The following TSNARE1 variants were observed in gnomAD, a reference collection of about 807,000 sequenced individuals.
TSNARE1 encodes t-SNARE domain containing 1, also known as t-SNARE domain-containing protein 1.
TSNARE1 carries 49 observed loss-of-function variants against 62.0 expected under a neutral mutation model. That is an observed-to-expected ratio of 0.79 (90% CI 0.63 to 1.00). The LOEUF is 1.00. Ranked by LOEUF, TSNARE1 falls within the 50% of genes least tolerant of loss-of-function variation. TSNARE1 has a pLI of 0.00. For synonymous variants in TSNARE1, 328 were observed against 294.4 expected, an observed-to-expected ratio of 1.11 and a Z score of -1.17; for missense variants, 755 against 700.1, an observed-to-expected ratio of 1.08 and a Z score of -0.88.
chr8:142,392,185 G>A lies in TSNARE1; in HGVS notation c.-40+10919C>T, dbSNP rs569116077. 7.2e-5 allele frequency among the ~76,000 whole-genome samples: 11 copies of A among 152,106 alleles called. No homozygotes were observed. The East Asian group carries it at 7.8e-4, about 11-fold the overall frequency. Reference sequence around the variant, plus strand: ...ATTACAGGGGCGCACCACCATGCCCGGCTAATTTTTGCATTTGTAGTACAC... The same window carrying A: ...ATTACAGGGGCGCACCACCATGCCCAGCTAATTTTTGCATTTGTAGTACAC... On this transcript the variant is annotated intron_variant, in intron 1 of 13. Coordinates refer to ENST00000524325, the MANE Select transcript of TSNARE1 (RefSeq NM_145003.5).
At chr8:142,304,815 T>C (rs4976996) in intron 9 of TSNARE1, among the ~76,000 whole-genome samples, 151,573 of 152,302 alleles carry the variant, frequency 1, 75,452 homozygotes, top group Non-Finnish European at 1. Flanking sequence ...AGCTACGGGG[T>C]AGAGACGTTC....
chr8:142,286,428 T>C (rs910383340), intron 10 of TSNARE1, among the ~76,000 whole-genome samples: 4 of 152,192 alleles, frequency 2.6e-5, no homozygotes, highest in East Asian at 3.9e-4. Context: ...GTAGTATCAA[T>C]TGCAATTCAA....
At chr8:142,248,387 G>T (rs532549825) in intron 12 of TSNARE1, among the ~76,000 whole-genome samples, 2 of 152,340 alleles carry the variant, frequency 1.3e-5, no homozygotes, top group Non-Finnish European at 2.9e-5. Flanking sequence ...GAGTTAAAGG[G>T]ATTGAGTAAC....
intron 12 of TSNARE1, among the ~76,000 whole-genome samples, chr8:142,239,695 TG>T (rs1291805460): frequency 6.6e-6 from 1 of 151,980 alleles, no homozygotes; most frequent in African/African-American, 2.4e-5. Context: ...AAAACCCGAG[TG>T]GGGCCTGTGA....
At chr8:142,280,229 G>A (rs1228953701) in intron 11 of TSNARE1, 1 of 985,270 alleles carries the variant, frequency 1.0e-6, no homozygotes, top group East Asian at 1.1e-4. Flanking sequence ...CCCGGCCGCA[G>A]GGGTGTGGAG....
At chr8:142,306,856 G>A (rs1397112348) in intron 9 of TSNARE1, among the ~76,000 whole-genome samples, 1 of 152,178 alleles carries the variant, frequency 6.6e-6, no homozygotes, top group Non-Finnish European at 1.5e-5. Context: ...GTGTTTCAAT[G>A]CCAGGTGCAA....
chr8:142,338,386 G>A (rs913197458), intron 4 of TSNARE1, among the ~76,000 whole-genome samples: 4 of 152,206 alleles, frequency 2.6e-5, no homozygotes, highest in African/African-American at 9.7e-5. Context: ...GGGTCCCCAG[G>A]GCAGGAGCTT....
intron 9 of TSNARE1, among the ~76,000 whole-genome samples, chr8:142,301,569 C>A (rs955842785): frequency 2.0e-5 from 3 of 152,290 alleles, no homozygotes; most frequent in South Asian, 2.1e-4. Context: ...CCCATGCCAG[C>A]GGGCCTTCCT....
chr8:142,285,846 A>G (rs1276133276), intron 10 of TSNARE1, among the ~76,000 whole-genome samples: 1 of 152,126 alleles, frequency 6.6e-6, no homozygotes, highest in Non-Finnish European at 1.5e-5. Context: ...GATGATCCTA[A>G]GAGACGTGGC....
At chr8:142,350,719 A>AT (rs1833987854) in intron 2 of TSNARE1, among the ~76,000 whole-genome samples, 21 of 152,354 alleles carry the variant, frequency 1.4e-4, no homozygotes, top group Admixed American at 1.2e-3. Context: ...TTCCACAGAC[A>AT]AATAATTACA....
At chr8:142,261,214 G>A (rs1159277609) in intron 12 of TSNARE1, among the ~76,000 whole-genome samples, 4 of 119,988 alleles carry the variant, frequency 3.3e-5, no homozygotes, top group Non-Finnish European at 5.3e-5. Flanking sequence ...AGGGGAGAGG[G>A]AGGAGGGAGA....
At chr8:142,302,818 C>G (rs1364204206) in intron 9 of TSNARE1, among the ~76,000 whole-genome samples, 1 of 152,136 alleles carries the variant, frequency 6.6e-6, no homozygotes, top group Non-Finnish European at 1.5e-5. Context: ...GGGGTGCAGG[C>G]AACCTCTCTG....
intron 4 of TSNARE1, among the ~76,000 whole-genome samples, chr8:142,340,656 G>A (rs887968487): frequency 2.6e-5 from 4 of 152,230 alleles, no homozygotes; most frequent in African/African-American, 4.8e-5. Flanking sequence ...AGGCCCCAGA[G>A]CTGGGAAAGG....
intron 11 of TSNARE1, chr8:142,278,545 C>A: frequency 1.0e-6 from 1 of 985,402 alleles, no homozygotes; most frequent in Non-Finnish European, 1.2e-6. Flanking sequence ...GCTCCTGGCA[C>A]GGTGTCTTGA....
At chr8:142,343,908 C>T (rs1378910189) in intron 4 of TSNARE1, 58 bp downstream of exon 4, 6 of 1,433,876 alleles carry the variant, frequency 4.2e-6, no homozygotes, top group South Asian at 3.2e-5. Flanking sequence ...AAGATGGGCC[C>T]CCCCCTCCTG....
intron 12 of TSNARE1, among the ~76,000 whole-genome samples, chr8:142,234,942 C>A (rs1817331276): frequency 6.6e-6 from 1 of 151,934 alleles, no homozygotes; most frequent in African/African-American, 2.4e-5. Context: ...TGTGAGTGCC[C>A]CAGTCTAAAT....
intron 1 of TSNARE1, 116 bp from the exon 2 acceptor site, chr8:142,354,879 G>A (rs779835328): frequency 5.7e-5 from 35 of 618,688 alleles, no homozygotes; most frequent in Non-Finnish European, 9.7e-5. Flanking sequence ...TGGCTCCATT[G>A]TACCCATTCC....
At chr8:142,251,556 C>G (rs1166832149) in intron 12 of TSNARE1, among the ~76,000 whole-genome samples, 1 of 152,166 alleles carries the variant, frequency 6.6e-6, no homozygotes, top group Non-Finnish European at 1.5e-5. Flanking sequence ...CTCTGGCACC[C>G]TCTGTATTCT....
intron 10 of TSNARE1, among the ~76,000 whole-genome samples, chr8:142,284,724 C>T (rs1242058472): frequency 1.3e-5 from 2 of 152,240 alleles, no homozygotes; most frequent in African/African-American, 4.8e-5. Context: ...GGGCAGGGAT[C>T]TGAGTGCTCC....
Sources: allele counts gnomAD v4.1 joint callset (sites outside exome capture counted in the v4.1 genomes callset), GRCh38; gene constraint gnomAD v4.1.1; transcripts MANE v1.5; gene names NCBI Gene and HGNC (gene_info 2026-07-23, HGNC 2026-07-21).